TTC7A: variants seen among roughly 807,000 people sequenced by gnomAD.
The protein encoded by TTC7A is tetratricopeptide repeat domain 7A.
In TTC7A, 110 loss-of-function variants were observed where a neutral mutation model predicts 103.7. The observed-to-expected ratio is 1.06, with a 90% CI of 0.91 to 1.24. The LOEUF (loss-of-function observed/expected upper bound fraction) is 1.24, where lower values mean the gene tolerates loss of function less well. Ranked by LOEUF, TTC7A falls within the 50% of genes most tolerant of loss-of-function variation. The probability of loss-of-function intolerance (pLI) is 0.00; values close to 1 mark genes in which losing one functional copy is unlikely to be tolerated. For synonymous variants in TTC7A, 521 were observed against 467.9 expected (o/e 1.11, Z -1.47); for missense variants, 1,340 against 1,116.3 (o/e 1.20, Z -2.86).
chr2:46,931,842 G>A (rs1669724433), intron 2 of TTC7A, among the ~76,000 whole-genome samples: 2 of 152,138 alleles, frequency 1.3e-5, no homozygotes, highest in Admixed American at 6.5e-5. Flanking sequence ...GGAATTTTAA[G>A]ATAATGAATA....
intron 19 of TTC7A, among the ~76,000 whole-genome samples, chr2:47,073,002 C>T (rs758604961): frequency 3.3e-5 from 5 of 152,128 alleles, no homozygotes; most frequent in Non-Finnish European, 5.9e-5. Flanking sequence ...CTTCCCTGTG[C>T]GTGACCCAGA....
chr2:47,070,583 A>T (rs934218975), intron 19 of TTC7A, among the ~76,000 whole-genome samples: 1 of 152,180 alleles, frequency 6.6e-6, no homozygotes, highest in Non-Finnish European at 1.5e-5. Flanking sequence ...CACAGTAACT[A>T]AGCGTGACCT....
Position 46,975,104 on chromosome 2 carries a change from G to A in TTC7A, c.648+1G>A. 1 of 1,613,480 alleles carries A rather than the reference G, an allele frequency of 6.2e-7. No individual in the cohort carries two copies. The highest frequency in any genetic ancestry group is 8.5e-7 in the Non-Finnish European group (1 of 1,179,594). On this transcript the variant is annotated splice_donor_variant, in intron 4 of 19. Coordinates refer to ENST00000319190, the MANE Select transcript of TTC7A (RefSeq NM_020458.4). LOFTEE classifies it high-confidence loss of function. Reference sequence around the variant, plus strand: ...GGTGTTCCTGCAGGAATTGGAGAAGGTGAGCTGGAAATAACACCGTGGTAG... The same window carrying A: ...GGTGTTCCTGCAGGAATTGGAGAAGATGAGCTGGAAATAACACCGTGGTAG...
At chr2:47,072,003 T>C (rs1438489788) in intron 19 of TTC7A, among the ~76,000 whole-genome samples, 1 of 152,206 alleles carries the variant, frequency 6.6e-6, no homozygotes, top group Non-Finnish European at 1.5e-5. Context: ...CCCTCCATTT[T>C]TGGTGCTTAA....
In TTC7A at chr2:47,072,455, T is replaced by A. The variant is rs114631514; in HGVS notation, c.2356-1247T>A. On this transcript the variant is annotated intron_variant, in intron 19 of 19. Transcript: ENST00000319190. ...TTTCACTCCCACCGAACTGGTTGTG[T>A]TCCAAGCTCTCCGAGGACTTGATGA... Among the ~76,000 whole-genome samples the A allele has an allele frequency of 8.9e-3, 1,351 of 152,306 alleles. 21 individuals are homozygous for A. The highest frequency in any genetic ancestry group is 0.031 in the African/African-American group (1,304 of 41,568).
chr2:47,042,868 G>T (rs1681911015), intron 15 of TTC7A, among the ~76,000 whole-genome samples: 1 of 152,224 alleles, frequency 6.6e-6, no homozygotes, highest in Non-Finnish European at 1.5e-5. Context: ...TTTAGGCTCA[G>T]TTGGTTTATA....
chr2:47,070,389 G>A (rs980372745), intron 19 of TTC7A, among the ~76,000 whole-genome samples: 1 of 152,218 alleles, frequency 6.6e-6, no homozygotes, highest in African/African-American at 2.4e-5. Context: ...ATCCCTGATC[G>A]GAGGTCCACA....
At chr2:46,971,495 C>G (rs1673353510) in intron 3 of TTC7A, among the ~76,000 whole-genome samples, 1 of 152,014 alleles carries the variant, frequency 6.6e-6, no homozygotes, top group Non-Finnish European at 1.5e-5. Context: ...CCAGGAGGGC[C>G]TGGTGTGGAG....
Position 47,046,436 on chromosome 2 carries a change from G to A in TTC7A, c.1919+5G>A, listed in dbSNP as rs1682329057. On this transcript the variant is annotated splice_donor_5th_base_variant and intron_variant, in intron 16 of 19. Coordinates refer to ENST00000319190, the MANE Select transcript of TTC7A (RefSeq NM_020458.4). ...GTACAGCTTCTCCCAGCTGGGGTGA[G>A]TGGCCGTCATTGTCTCTTGGGTTGC... 1.9e-6 allele frequency: 3 copies of A among 1,612,424 alleles called. No individual in the cohort carries two copies. Among genetic ancestry groups the A allele is most frequent in the Non-Finnish European group, 2.5e-6 (3 of 1,178,476 alleles).
rs1685127269 is a variant in TTC7A, at chr2:47,075,273, A to G, written c.*1350A>G. ...TCCTTTGCCTCTTCTTGGTTGAAGG[A>G]TCTCTATGTATGTGTGTATATAAAT... On this transcript the variant is annotated 3_prime_UTR_variant, in exon 20 of 20. Transcript: ENST00000319190. The G allele has an allele frequency of 6.6e-6, 1 of 152,182 alleles. No homozygotes were observed. Among genetic ancestry groups the G allele is most frequent in the Non-Finnish European group, 1.5e-5 (1 of 68,048 alleles). The allele number at this position is 152,182 out of a possible 1,614,324, so 9.4% of individuals were successfully genotyped here.
intron 18 of TTC7A, among the ~76,000 whole-genome samples, chr2:47,054,600 A>G (rs1683159352): frequency 6.6e-6 from 1 of 152,068 alleles, no homozygotes; most frequent in Non-Finnish European, 1.5e-5. Context: ...TGGGAGGCCG[A>G]GGCAGGCAGA....
chr2:46,975,126 G>T (rs1673745947), intron 4 of TTC7A, 23 bp downstream of exon 4: 1 of 1,612,028 alleles, frequency 6.2e-7, no homozygotes, highest in Non-Finnish European at 8.5e-7. Context: ...TAACACCGTG[G>T]TAGGAGCTGC....
intron 3 of TTC7A, among the ~76,000 whole-genome samples, chr2:46,972,619 G>A (rs1373332590): frequency 6.6e-6 from 1 of 152,206 alleles, no homozygotes; most frequent in Non-Finnish European, 1.5e-5. Context: ...GTCATGATCA[G>A]CTGAGATTGC....
chr2:47,056,519 G>A (rs1039197338), intron 18 of TTC7A, among the ~76,000 whole-genome samples: 6 of 152,238 alleles, frequency 3.9e-5, no homozygotes, highest in African/African-American at 1.4e-4. Context: ...CAAAGGGGGT[G>A]TGGAAATAGC....
intron 3 of TTC7A, among the ~76,000 whole-genome samples, chr2:46,961,799 C>T (rs1251835492): frequency 6.6e-6 from 1 of 151,958 alleles, no homozygotes; most frequent in African/African-American, 2.4e-5. Context: ...CCTGTAATCC[C>T]AGCTACTTGG....
At chr2:47,020,673 C>T (rs1036029067) in intron 11 of TTC7A, among the ~76,000 whole-genome samples, 3 of 152,396 alleles carry the variant, frequency 2.0e-5, no homozygotes, top group African/African-American at 7.2e-5. Flanking sequence ...ATGCAGCTTT[C>T]TCGGCTTCTC....
At chr2:47,059,398 C>G (rs527676200) in intron 18 of TTC7A, among the ~76,000 whole-genome samples, 36 of 152,170 alleles carry the variant, frequency 2.4e-4, no homozygotes, top group Admixed American at 2.4e-3. Flanking sequence ...AAAATGTTTC[C>G]CAAACCTGGT....
chr2:46,948,161 G>A (rs1431674945), intron 1 of TTC7A, among the ~76,000 whole-genome samples: 1 of 152,232 alleles, frequency 6.6e-6, no homozygotes, highest in Non-Finnish European at 1.5e-5. Context: ...GAGGAAAGGG[G>A]GCAACAAGGC....
chr2:47,063,711 CT>C (rs1473495066), intron 19 of TTC7A, among the ~76,000 whole-genome samples: 1 of 152,238 alleles, frequency 6.6e-6, no homozygotes, highest in Non-Finnish European at 1.5e-5. Flanking sequence ...ACGTTGGCCT[CT>C]GATCAGTACA....
Sources: allele counts gnomAD v4.1 joint callset (sites outside exome capture counted in the v4.1 genomes callset), GRCh38; gene constraint gnomAD v4.1.1; transcripts MANE v1.5; gene names NCBI Gene and HGNC (gene_info 2026-07-23, HGNC 2026-07-21).